PGBD5: variants seen among roughly 807,000 people sequenced by gnomAD.
The protein encoded by PGBD5 is piggyBac transposable element-derived protein 5.
A neutral mutation model predicts 47.9 loss-of-function variants in PGBD5; 14 were observed. The observed-to-expected ratio is 0.29, with a 90% CI of 0.19 to 0.46. The LOEUF (loss-of-function observed/expected upper bound fraction) is 0.46. Among genes scored for constraint, PGBD5 ranks in the 20% least tolerant of loss-of-function variants. PGBD5 has a pLI of 1.00. For synonymous variants in PGBD5, 316 were observed against 306.3 expected, an observed-to-expected ratio of 1.03 and a Z score of -0.33; for missense variants, 635 against 716.0, an observed-to-expected ratio of 0.89 and a Z score of 1.29.
chr1:230,345,939 C>T (rs2102697570), intron 3 of PGBD5, among the ~76,000 whole-genome samples: 1 of 152,312 alleles, frequency 6.6e-6, no homozygotes, highest in East Asian at 1.9e-4. Flanking sequence ...ACAGGCTGGT[C>T]TCAAACTCCT....
intron 1 of PGBD5, among the ~76,000 whole-genome samples, chr1:230,405,477 G>C (rs1266318131): frequency 6.6e-6 from 1 of 152,118 alleles, no homozygotes; most frequent in Admixed American, 6.5e-5. Flanking sequence ...TAAGAATACA[G>C]TATATAATAC....
intron 1 of PGBD5, among the ~76,000 whole-genome samples, chr1:230,413,616 T>A (rs527605713): frequency 6.6e-6 from 1 of 152,234 alleles, no homozygotes; most frequent in African/African-American, 2.4e-5. Context: ...ATTAAAAAAA[T>A]ATACTGCATG....
intron 1 of PGBD5, among the ~76,000 whole-genome samples, chr1:230,416,029 A>G (rs909766613): frequency 4.6e-5 from 7 of 152,328 alleles, no homozygotes; most frequent in East Asian, 1.9e-4. Flanking sequence ...GCATCTGCAT[A>G]TAGTAAGTGA....
intron 1 of PGBD5, among the ~76,000 whole-genome samples, chr1:230,376,290 A>C (rs1183331850): frequency 6.6e-6 from 1 of 152,000 alleles, no homozygotes; most frequent in Non-Finnish European, 1.5e-5. Context: ...AGCTTGTTTC[A>C]CCTGTCTCAG....
intron 1 of PGBD5, among the ~76,000 whole-genome samples, chr1:230,382,178 G>A (rs906352302): frequency 2.0e-5 from 3 of 152,218 alleles, no homozygotes; most frequent in Non-Finnish European, 2.9e-5. Context: ...CATGGAGCGC[G>A]GACATGCTCA....
At chr1:230,400,204 G>A (rs990464461) in intron 1 of PGBD5, among the ~76,000 whole-genome samples, 2 of 152,158 alleles carry the variant, frequency 1.3e-5, no homozygotes, top group African/African-American at 4.8e-5. Flanking sequence ...ACCTCACCTG[G>A]ATGGGAGGGA....
chr1:230,360,641 T>A (rs528392500), intron 1 of PGBD5, among the ~76,000 whole-genome samples: 1 of 152,292 alleles, frequency 6.6e-6, no homozygotes, highest in South Asian at 2.1e-4. Flanking sequence ...AGAAGGTGCC[T>A]TTCTTCCCCT....
intron 1 of PGBD5, among the ~76,000 whole-genome samples, chr1:230,406,535 T>G (rs1379182612): frequency 6.6e-6 from 1 of 152,118 alleles, no homozygotes; most frequent in Non-Finnish European, 1.5e-5. Flanking sequence ...AGAAAGAATA[T>G]TTATCCTTTT....
chr1:230,391,060 C>T (rs1656771157), intron 1 of PGBD5, among the ~76,000 whole-genome samples: 1 of 151,942 alleles, frequency 6.6e-6, no homozygotes, highest in Admixed American at 6.6e-5. Context: ...TTTTTATCCA[C>T]CTCCATTTCA....
At chr1:230,411,615 C>T (rs1030678473) in intron 1 of PGBD5, among the ~76,000 whole-genome samples, 5 of 152,256 alleles carry the variant, frequency 3.3e-5, no homozygotes, top group Admixed American at 1.3e-4. Flanking sequence ...ATTTATGAAG[C>T]CAAGCATAAT....
Position 230,323,420 on chromosome 1 carries a change from C to G in PGBD5, c.*5G>C. 1 of 1,611,964 alleles carries G rather than the reference C, an allele frequency of 6.2e-7. No homozygotes were observed. The highest frequency in any genetic ancestry group is 1.1e-5 in the South Asian group (1 of 90,694). On this transcript the variant is annotated 3_prime_UTR_variant, in exon 7 of 7. Transcript: ENST00000391860. The surrounding 1 kb of genome is among the most constrained non-coding windows in gnomAD (Gnocchi z 4.1). ...CTCCCTTGACCGAGTCCTGCGCCCC[C>G]AGCATCAGTGGGTCGGAGAGGCATC... is the stretch of plus-strand genomic sequence containing the variant.
intron 1 of PGBD5, among the ~76,000 whole-genome samples, chr1:230,369,617 C>T (rs201000107): frequency 8.6e-5 from 13 of 151,770 alleles, no homozygotes; most frequent in African/African-American, 3.1e-4. Flanking sequence ...GTGCTTACTC[C>T]GTGTCTGTGT....
chr1:230,348,374 C>T (rs764376255), intron 3 of PGBD5, among the ~76,000 whole-genome samples: 3 of 152,162 alleles, frequency 2.0e-5, no homozygotes, highest in East Asian at 1.9e-4. Context: ...TGGGGATGGA[C>T]GAGGGAAGAG....
intron 1 of PGBD5, among the ~76,000 whole-genome samples, chr1:230,420,404 A>G (rs1452291768): frequency 6.6e-6 from 1 of 152,220 alleles, no homozygotes; most frequent in African/African-American, 2.4e-5. Context: ...TCTCTGGGAA[A>G]AGGAAGGTAA....
At chr1:230,422,944 A>T (rs1022131940) in intron 1 of PGBD5, among the ~76,000 whole-genome samples, 6 of 151,844 alleles carry the variant, frequency 4.0e-5, no homozygotes, top group African/African-American at 1.5e-4. Flanking sequence ...TACAACTCAT[A>T]ATGGTCCCCA....
chr1:230,394,235 G>A (rs1360359543), intron 1 of PGBD5, among the ~76,000 whole-genome samples: 1 of 151,822 alleles, frequency 6.6e-6, no homozygotes, highest in Non-Finnish European at 1.5e-5. Flanking sequence ...AGATAAACGT[G>A]CCCAGTACCC....
At chr1:230,406,610 A>C (rs1323313596) in intron 1 of PGBD5, among the ~76,000 whole-genome samples, 2 of 152,212 alleles carry the variant, frequency 1.3e-5, no homozygotes, top group Non-Finnish European at 2.9e-5. Flanking sequence ...AGATTATATC[A>C]TAATTATAAT....
intron 2 of PGBD5, among the ~76,000 whole-genome samples, chr1:230,352,089 C>T (rs185433516): frequency 5.7e-4 from 69 of 121,154 alleles, no homozygotes; most frequent in Non-Finnish European, 1.0e-3. Context: ...GAACTCTACA[C>T]GATGCCCTAG....
At chr1:230,348,888 C>T (rs1356143044) in intron 3 of PGBD5, among the ~76,000 whole-genome samples, 1 of 152,236 alleles carries the variant, frequency 6.6e-6, no homozygotes, top group Admixed American at 6.5e-5. Context: ...CACCTCTGAG[C>T]ACATTTTGAG....
Sources: gnomAD v4.1 joint callset for allele counts (sites outside exome capture counted in the v4.1 genomes callset) on GRCh38, gnomAD v4.1.1 for gene constraint, Gnocchi (gnomAD v3.1) non-coding constraint, MANE v1.5 for transcripts, NCBI Gene and HGNC (gene_info 2026-07-23, HGNC 2026-07-21) for gene names.